UBE3D: variants seen among roughly 807,000 people sequenced by gnomAD.
The protein encoded by UBE3D is ubiquitin protein ligase E3D.
Under a neutral mutation model 49.6 loss-of-function variants are expected in UBE3D, and 48 were observed. The ratio of observed to expected loss-of-function variants is 0.97; its 90% CI spans 0.77 to 1.23. UBE3D has a LOEUF of 1.23. Ranked by LOEUF, UBE3D falls within the 50% of genes most tolerant of loss-of-function variation. The pLI is 0.00. For synonymous variants in UBE3D, 189 were observed against 174.2 expected (o/e 1.08, Z -0.67); for missense variants, 452 against 468.4 (o/e 0.96, Z 0.32).
At position 82,930,751 on chromosome 6, in the gene UBE3D, A is replaced by G. The variant is rs73477728; in HGVS notation, c.1149+26561T>C. On this transcript the variant is annotated intron_variant, in intron 9 of 9. Coordinates refer to ENST00000369747, the MANE Select transcript of UBE3D (RefSeq NM_198920.3). ...AGGGTATCTAGCGGAAGAAATTTCT[A>G]AGTGGCAAAGTGTTTAACAGGAAGC... Among the ~76,000 whole-genome samples, 631 of 152,306 alleles carry G rather than the reference A, an allele frequency of 4.1e-3. 4 individuals are homozygous for G. Among genetic ancestry groups the G allele is most frequent in the African/African-American group, 0.014 (582 of 41,564 alleles).
Position 83,038,607 on chromosome 6 carries a change from A to G in UBE3D, c.598-122T>C, listed in dbSNP as rs1426814594. 6.2e-6 allele frequency: 5 copies of G among 803,920 alleles called. No homozygotes were observed. The African/African-American group carries it at 9.0e-5, about 14-fold the overall frequency. 49.8% of individuals were successfully genotyped at this position (803,920 alleles called of 1,614,324 possible). ...CATTTTATTCTGCCCTCTACTAAAT[A>G]CTGGGAATACATTTAGCTTGTATGC... On this transcript the variant is annotated intron_variant, in intron 4 of 9. Transcript: ENST00000369747.
At chr6:83,042,076 A>C (rs1419967650) in intron 4 of UBE3D, among the ~76,000 whole-genome samples, 1 of 151,956 alleles carries the variant, frequency 6.6e-6, no homozygotes, top group Non-Finnish European at 1.5e-5. Context: ...CACCCGGCTA[A>C]TTTTTTGTAG....
intron 3 of UBE3D, among the ~76,000 whole-genome samples, chr6:83,049,128 C>T (rs577899259): frequency 5.2e-4 from 79 of 152,104 alleles, no homozygotes; most frequent in African/African-American, 1.8e-3. Context: ...ATGCATGCCC[C>T]TTTAATAGAG....
intron 8 of UBE3D, among the ~76,000 whole-genome samples, chr6:83,009,445 T>C (rs1272490615): frequency 6.6e-6 from 1 of 151,676 alleles, no homozygotes; most frequent in East Asian, 2.0e-4. Context: ...GAAGTTTACA[T>C]TTCAGGGCAG....
chr6:83,010,595 A>T (rs1484738673), intron 8 of UBE3D, among the ~76,000 whole-genome samples: 1 of 152,214 alleles, frequency 6.6e-6, no homozygotes, highest in African/African-American at 2.4e-5. Flanking sequence ...TATACATATA[A>T]AGGGGAGTTT....
intron 5 of UBE3D, among the ~76,000 whole-genome samples, chr6:83,027,458 A>AAAAAAAG (rs571635643): frequency 4.7e-5 from 7 of 147,568 alleles, no homozygotes; most frequent in African/African-American, 1.7e-4. Flanking sequence ...AAAAAAAAAA[A>AAAAAAAG]AAAGAAACCA....
intron 3 of UBE3D, among the ~76,000 whole-genome samples, chr6:83,044,917 C>A (rs760163790): frequency 6.6e-6 from 1 of 152,122 alleles, no homozygotes; most frequent in Admixed American, 6.5e-5. Flanking sequence ...CTTTGCCATC[C>A]GTTCAAAAGA....
chr6:83,035,287 T>A (rs1476960160), intron 5 of UBE3D, among the ~76,000 whole-genome samples: 1 of 152,168 alleles, frequency 6.6e-6, no homozygotes, highest in Non-Finnish European at 1.5e-5. Flanking sequence ...GACTTCCTTA[T>A]CCCGCTCTCC....
chr6:83,033,393 C>G (rs1425858321), intron 5 of UBE3D, among the ~76,000 whole-genome samples: 1 of 152,030 alleles, frequency 6.6e-6, no homozygotes, highest in South Asian at 2.1e-4. Flanking sequence ...AACTATATCA[C>G]TGATATGGTT....
At chr6:82,934,947 T>TATATATGTATATATTATATAC in intron 9 of UBE3D, among the ~76,000 whole-genome samples, 1 of 126,722 alleles carries the variant, frequency 7.9e-6, no homozygotes, top group Non-Finnish European at 1.7e-5. Context: ...TATGTATATA[T>TATATATGTATATATTATATAC]GTATATATAT....
intron 8 of UBE3D, among the ~76,000 whole-genome samples, chr6:83,011,949 G>C (rs1394869016): frequency 6.6e-6 from 1 of 152,070 alleles, no homozygotes; most frequent in Non-Finnish European, 1.5e-5. Context: ...GAGCATACAC[G>C]GCCTTCTGGA....
At chr6:83,038,381 C>T in intron 5 of UBE3D, 35 bp downstream of exon 5, 2 of 1,531,978 alleles carry the variant, frequency 1.3e-6, no homozygotes, top group African/African-American at 1.4e-5. Flanking sequence ...AAGCAAGAAG[C>T]CAATCATTTT....
chr6:82,966,648 T>TAA (rs1776953874), intron 8 of UBE3D, among the ~76,000 whole-genome samples: 1 of 23,836 alleles, frequency 4.2e-5, no homozygotes, highest in Non-Finnish European at 6.9e-5. Context: ...AGACTCCGTC[T>TAA]CAAAAAAAAA....
intron 5 of UBE3D, among the ~76,000 whole-genome samples, chr6:83,026,197 G>A (rs1376550001): frequency 6.6e-6 from 1 of 152,028 alleles, no homozygotes; most frequent in Non-Finnish European, 1.5e-5. Context: ...CTTAATCCCA[G>A]CACTTTGGAA....
At chr6:82,968,375 A>G (rs1227750403) in intron 8 of UBE3D, among the ~76,000 whole-genome samples, 1 of 148,222 alleles carries the variant, frequency 6.7e-6, no homozygotes, top group Non-Finnish European at 1.5e-5. Context: ...TCTGCCCTCA[A>G]ATCAACTGCT....
At chr6:82,945,948 C>T (rs367900549) in intron 9 of UBE3D, among the ~76,000 whole-genome samples, 3 of 151,886 alleles carry the variant, frequency 2.0e-5, no homozygotes, top group African/African-American at 4.8e-5. Flanking sequence ...TTTGAAAATA[C>T]ACAGTCAAAG....
At chr6:82,971,157 T>G (rs1354079827) in intron 8 of UBE3D, among the ~76,000 whole-genome samples, 1 of 152,178 alleles carries the variant, frequency 6.6e-6, no homozygotes, top group Non-Finnish European at 1.5e-5. Context: ...AACAGTTCCA[T>G]TTTGAACTAA....
intron 9 of UBE3D, among the ~76,000 whole-genome samples, chr6:82,919,891 A>T (rs1373720043): frequency 6.6e-6 from 1 of 152,194 alleles, no homozygotes; most frequent in Admixed American, 6.5e-5. Flanking sequence ...TGGTTTCGAC[A>T]TCTATCCCAA....
rs574679010 is a variant in UBE3D at position 82,893,843 on chromosome 6, G to C, written c.1150-801C>G. ...TTGCATCAGGAAATTTTGTCCTTAA[G>C]TCCCCGAATGCAGTAAAAAGAGGTG... On this transcript the variant is annotated intron_variant, in intron 9 of 9. Coordinates refer to ENST00000369747, the MANE Select transcript of UBE3D (RefSeq NM_198920.3). 3 of 152,260 alleles carry C rather than the reference G, an allele frequency of 2.0e-5. No individual in the cohort carries two copies. In the South Asian group the frequency reaches 6.2e-4, roughly 32 times the overall value. 9.4% of individuals were successfully genotyped at this position (152,260 alleles called of 1,614,324 possible). A position where few individuals can be genotyped will look rare whatever the true frequency, so the allele number is the denominator to read the frequency against.
Sources: allele counts gnomAD v4.1 joint callset (sites outside exome capture counted in the v4.1 genomes callset), GRCh38; gene constraint gnomAD v4.1.1; transcripts MANE v1.5; gene names NCBI Gene and HGNC (gene_info 2026-07-23, HGNC 2026-07-21).